ARFIP1: variants seen among roughly 807,000 people sequenced by gnomAD.
The protein encoded by ARFIP1 is ARF interacting protein 1, also known as arfaptin-1.
ARFIP1 carries 24 observed loss-of-function variants against 42.5 expected under a neutral mutation model. The observed-to-expected ratio is 0.57, with a 90% CI of 0.41 to 0.80. ARFIP1 has a LOEUF of 0.80. ARFIP1 is among the 30% of genes least tolerant of loss of function. The probability of loss-of-function intolerance (pLI) is 0.00; values close to 1 mark genes in which losing one functional copy is unlikely to be tolerated. For missense variants in ARFIP1, 354 were observed against 434.0 expected (o/e 0.82, Z 1.64); for synonymous variants, 141 against 153.7 (o/e 0.92, Z 0.61).
chr4:152,810,188 C>T (rs887192559), intron 1 of ARFIP1: 1 of 152,154 alleles, frequency 6.6e-6, no homozygotes, highest in Non-Finnish European at 1.5e-5. Context: ...AAAGATTCAG[C>T]TGTACAGAGT....
chr4:152,813,745 A>G (rs559273887), intron 1 of ARFIP1, among the ~76,000 whole-genome samples: 2 of 152,268 alleles, frequency 1.3e-5, no homozygotes, highest in South Asian at 4.1e-4. Flanking sequence ...TATAGATATT[A>G]TATCTTGATA....
chr4:152,780,626 C>T (rs1215927335), intron 1 of ARFIP1, among the ~76,000 whole-genome samples: 1 of 152,202 alleles, frequency 6.6e-6, no homozygotes, highest in African/African-American at 2.4e-5. Flanking sequence ...AGCTTCCTCT[C>T]TCCCGCAGTG....
At chr4:152,869,552 C>T (rs1175872388) in intron 3 of ARFIP1, among the ~76,000 whole-genome samples, 1 of 151,742 alleles carries the variant, frequency 6.6e-6, no homozygotes, top group African/African-American at 2.4e-5. Flanking sequence ...TGGGCTCAAG[C>T]AGTCCGTCTA....
intron 5 of ARFIP1, among the ~76,000 whole-genome samples, chr4:152,877,510 A>T (rs1026660377): frequency 6.6e-6 from 1 of 152,152 alleles, no homozygotes; most frequent in Non-Finnish European, 1.5e-5. Context: ...ACTCACACGC[A>T]TCTCAGATGA....
At chr4:152,822,296 T>TAAAAAAAAAAAAAAAAAAAAAAAAAA (rs70949618) in intron 1 of ARFIP1, among the ~76,000 whole-genome samples, 1 of 65,580 alleles carries the variant, frequency 1.5e-5, no homozygotes, top group African/African-American at 5.1e-5. Context: ...GCAACAGCAG[T>TAAAAAAAAAAAAAAAAAAAAAAAAAA]AAAAAAAAAA....
intron 1 of ARFIP1, among the ~76,000 whole-genome samples, chr4:152,795,166 GTTTGT>G: frequency 9.1e-6 from 1 of 110,426 alleles, no homozygotes; most frequent in Non-Finnish European, 2.0e-5. Flanking sequence ...CGGTGTTTTT[GTTTGT>G]TTGTTTGTTT....
At chr4:152,811,039 A>G (rs1336929416) in intron 1 of ARFIP1, among the ~76,000 whole-genome samples, 2 of 147,660 alleles carry the variant, frequency 1.4e-5, no homozygotes, top group African/African-American at 5.0e-5. Flanking sequence ...TGGCCACTGT[A>G]GAAGTATTGG....
intron 1 of ARFIP1, among the ~76,000 whole-genome samples, chr4:152,800,699 T>C (rs1343898971): frequency 6.6e-6 from 1 of 152,172 alleles, no homozygotes; most frequent in Non-Finnish European, 1.5e-5. Flanking sequence ...AAGGAAAATA[T>C]ACAGATATTT....
chr4:152,819,439 G>A (rs1204102128), intron 1 of ARFIP1, among the ~76,000 whole-genome samples: 5 of 152,108 alleles, frequency 3.3e-5, no homozygotes, highest in African/African-American at 9.7e-5. Flanking sequence ...CACCCCCATC[G>A]GAGCTGCTGC....
At chr4:152,799,557 A>G (rs986221049) in intron 1 of ARFIP1, among the ~76,000 whole-genome samples, 3 of 152,356 alleles carry the variant, frequency 2.0e-5, no homozygotes, top group Admixed American at 6.5e-5. Flanking sequence ...TCTTTGCACA[A>G]TATGTATTCC....
At chr4:152,891,260 T>C (rs1389128834) in intron 8 of ARFIP1, among the ~76,000 whole-genome samples, 2 of 152,210 alleles carry the variant, frequency 1.3e-5, no homozygotes, top group Non-Finnish European at 2.9e-5. Flanking sequence ...ATTCTTTGTT[T>C]TGGCTTTCCA....
At chr4:152,886,030 C>T (rs1431676533) in intron 7 of ARFIP1, among the ~76,000 whole-genome samples, 3 of 151,974 alleles carry the variant, frequency 2.0e-5, no homozygotes, top group Admixed American at 1.3e-4. Context: ...GGTCATTCAG[C>T]TTGGCTCCTG....
At chr4:152,876,489 C>T (rs1735341890) in intron 5 of ARFIP1, among the ~76,000 whole-genome samples, 1 of 152,168 alleles carries the variant, frequency 6.6e-6, no homozygotes, top group East Asian at 1.9e-4. Flanking sequence ...CAAGTGGTGA[C>T]TTGGGTACTG....
chr4:152,798,711 T>A (rs1263292784), intron 1 of ARFIP1, among the ~76,000 whole-genome samples: 1 of 152,212 alleles, frequency 6.6e-6, no homozygotes, highest in African/African-American at 2.4e-5. Context: ...AAATGGTGTC[T>A]GGTACTTATT....
At chr4:152,889,800 T>A (rs1579017334) in intron 8 of ARFIP1, among the ~76,000 whole-genome samples, 3 of 104,282 alleles carry the variant, frequency 2.9e-5, no homozygotes, top group African/African-American at 4.2e-5. Flanking sequence ...TTATATACTA[T>A]ACTATATACT....
intron 3 of ARFIP1, among the ~76,000 whole-genome samples, chr4:152,866,542 G>C (rs1488793464): frequency 9.5e-6 from 1 of 105,164 alleles, no homozygotes; most frequent in South Asian, 2.9e-4. Context: ...GGCCGCGCGG[G>C]GGCTGACCCC....
At chr4:152,877,241 G>C (rs1417884174) in intron 5 of ARFIP1, among the ~76,000 whole-genome samples, 1 of 152,160 alleles carries the variant, frequency 6.6e-6, no homozygotes, top group East Asian at 1.9e-4. Context: ...TGGGAGGAAG[G>C]CTGTACCCTG....
intron 1 of ARFIP1, among the ~76,000 whole-genome samples, chr4:152,812,605 C>T (rs1353184545): frequency 1.3e-5 from 2 of 152,208 alleles, no homozygotes; most frequent in Non-Finnish European, 2.9e-5. Context: ...TGTTTTCAGC[C>T]TGGAGCTCTA....
intron 1 of ARFIP1, among the ~76,000 whole-genome samples, chr4:152,808,482 T>G (rs1729188719): frequency 4.0e-5 from 6 of 151,448 alleles, no homozygotes; most frequent in Admixed American, 2.6e-4. Flanking sequence ...TGTATTTATA[T>G]TTCTTGGGTA....
Sources: allele counts gnomAD v4.1 joint callset (sites outside exome capture counted in the v4.1 genomes callset), GRCh38; gene constraint gnomAD v4.1.1; transcripts MANE v1.5; gene names NCBI Gene and HGNC (gene_info 2026-07-23, HGNC 2026-07-21).